Variants in PIGK observed in about 807,000 individuals in gnomAD.
PIGK encodes the protein GPI-anchor transamidase.
PIGK carries 42 observed loss-of-function variants against 50.6 expected under a neutral mutation model. The observed-to-expected ratio is 0.83, with a 90% CI of 0.65 to 1.07. The LOEUF is 1.07. PIGK is among the 50% of genes least tolerant of loss of function. The probability of loss-of-function intolerance (pLI) is 0.00; values close to 1 mark genes in which losing one functional copy is unlikely to be tolerated. For synonymous variants in PIGK, 151 were observed against 156.0 expected, an observed-to-expected ratio of 0.97 and a Z score of 0.24; for missense variants, 448 against 488.7, an observed-to-expected ratio of 0.92 and a Z score of 0.78.
intron 10 of PIGK, among the ~76,000 whole-genome samples, chr1:77,093,932 C>T (rs1432713979): frequency 6.6e-6 from 1 of 152,010 alleles, no homozygotes; most frequent in Non-Finnish European, 1.5e-5. Context: ...TGTGACAAAT[C>T]TTAATTCAAT....
intron 3 of PIGK, among the ~76,000 whole-genome samples, chr1:77,174,798 T>C (rs752250487): frequency 2.0e-5 from 3 of 152,186 alleles, no homozygotes; most frequent in Non-Finnish European, 2.9e-5. Flanking sequence ...CTGCTTATTA[T>C]ATTAATCTGT....
intron 10 of PIGK, among the ~76,000 whole-genome samples, chr1:77,118,844 G>T (rs1425773612): frequency 1.3e-5 from 2 of 152,134 alleles, no homozygotes; most frequent in East Asian, 3.9e-4. Context: ...TTGGACTGAA[G>T]GATGCAAAGT....
At chr1:77,147,482 T>C (rs1654797446) in intron 9 of PIGK, among the ~76,000 whole-genome samples, 1 of 152,222 alleles carries the variant, frequency 6.6e-6, no homozygotes, top group African/African-American at 2.4e-5. Flanking sequence ...AGATTCTGTT[T>C]TTCCTTAGGT....
rs535223509 is a variant in PIGK at position 77,095,676 on chromosome 1, G to A, written c.1072-3186C>T. 1.4e-4 allele frequency among the ~76,000 whole-genome samples: 21 copies of A among 152,242 alleles called. No homozygotes were observed. The East Asian group carries it at 2.1e-3, about 15-fold the overall frequency. On this transcript the variant is annotated intron_variant, in intron 10 of 10. Transcript: ENST00000370812. ...AGAAAATGCAGGGAAAACCCTGTTA[G>A]TAGTACACGTTTTAAAAATATGTTT... is the stretch of plus-strand genomic sequence containing the variant.
chr1:77,141,914 T>C (rs1287513854), intron 9 of PIGK, among the ~76,000 whole-genome samples: 1 of 152,086 alleles, frequency 6.6e-6, no homozygotes, highest in East Asian at 1.9e-4. Flanking sequence ...AAAATTGGTA[T>C]CCAACATCAA....
intron 9 of PIGK, among the ~76,000 whole-genome samples, chr1:77,130,525 C>T (rs887934923): frequency 6.6e-6 from 1 of 152,008 alleles, no homozygotes; most frequent in South Asian, 2.1e-4. Context: ...TATCGTTATG[C>T]ATGAGTCTGT....
rs762562088 is a variant in PIGK at position 77,163,828 on chromosome 1, A to AC, written c.584+17_584+18insG. On this transcript the variant is annotated intron_variant, in intron 6 of 10. Coordinates refer to ENST00000370812, the MANE Select transcript of PIGK (RefSeq NM_005482.3). ...AGGTATGAATATAGCTTATGAAAAG[A>AC]AGTAATTTGCTAATTACCGTCTTTT... is the stretch of plus-strand genomic sequence containing the variant. 7.4e-5 allele frequency: 102 copies of AC among 1,383,646 alleles called. No homozygotes were observed. Among genetic ancestry groups the AC allele is most frequent in the Non-Finnish European group, 1.0e-4 (98 of 974,002 alleles). 85.7% of individuals were successfully genotyped at this position (1,383,646 alleles called of 1,614,324 possible). A position where few individuals can be genotyped will look rare whatever the true frequency, so the allele number is the denominator to read the frequency against.
rs114040475 is a variant in PIGK at position 77,162,028 on chromosome 1, T to C, written c.585-317A>G. Among the ~76,000 whole-genome samples the C allele has an allele frequency of 1.9e-3, 283 of 152,304 alleles. 1 individual carries two copies. The highest frequency in any genetic ancestry group is 6.5e-3 in the African/African-American group (270 of 41,566). On this transcript the variant is annotated intron_variant, in intron 6 of 10. Coordinates refer to ENST00000370812, the MANE Select transcript of PIGK (RefSeq NM_005482.3). ...CACTTATTTGGCACCCATGCTGTCA[T>C]AGAAATTGAGCTAGGTTCAGAAAAA... is the stretch of plus-strand genomic sequence containing the variant.
At chr1:77,134,497 A>C (rs892962041) in intron 9 of PIGK, among the ~76,000 whole-genome samples, 2 of 152,200 alleles carry the variant, frequency 1.3e-5, no homozygotes, top group Non-Finnish European at 2.9e-5. Context: ...CTCTAGCCTA[A>C]CACAGTCACC....
chr1:77,161,523 G>C (rs1169910570), intron 7 of PIGK, 71 bp downstream of exon 7: 1 of 949,308 alleles, frequency 1.1e-6, no homozygotes, highest in Non-Finnish European at 1.7e-6. Flanking sequence ...CATTCATAAA[G>C]CATTTAATTG....
chr1:77,162,153 T>A (rs1364237953), intron 6 of PIGK, among the ~76,000 whole-genome samples: 1 of 152,076 alleles, frequency 6.6e-6, no homozygotes, highest in Non-Finnish European at 1.5e-5. Flanking sequence ...TATAAATATA[T>A]ATTGAGTGCC....
rs76126618 is a variant in PIGK at position 77,123,404 on chromosome 1, A to G, written c.987-1045T>C. ...TAATGAGAACTCTAGAATCTCTCCC[A>G]TGAAAAAGGCAGATATACAAAAAAA... On this transcript the variant is annotated intron_variant, in intron 9 of 10. Coordinates refer to ENST00000370812, the MANE Select transcript of PIGK (RefSeq NM_005482.3). Among the ~76,000 whole-genome samples, 27 of 152,310 alleles carry G rather than the reference A, an allele frequency of 1.8e-4. No individual in the cohort carries two copies. In the East Asian group the frequency reaches 4.4e-3, roughly 25 times the overall value.
chr1:77,142,882 T>A (rs985640080), intron 9 of PIGK, among the ~76,000 whole-genome samples: 1 of 152,158 alleles, frequency 6.6e-6, no homozygotes, highest in Non-Finnish European at 1.5e-5. Flanking sequence ...AAAATTTGAA[T>A]GCAAGTCCAT....
At chr1:77,104,621 C>G (rs1653623333) in intron 10 of PIGK, among the ~76,000 whole-genome samples, 1 of 152,116 alleles carries the variant, frequency 6.6e-6, no homozygotes. Flanking sequence ...ATTGGAGTCC[C>G]AAGTAGGAAG....
At chr1:77,190,442 G>A (rs1036290807) in intron 3 of PIGK, among the ~76,000 whole-genome samples, 1 of 152,004 alleles carries the variant, frequency 6.6e-6, no homozygotes, top group Non-Finnish European at 1.5e-5. Context: ...TTAATGATAT[G>A]TTTTTGTCTT....
chr1:77,096,109 G>C (rs1021448054), intron 10 of PIGK, among the ~76,000 whole-genome samples: 35 of 152,040 alleles, frequency 2.3e-4, no homozygotes, highest in Admixed American at 1.7e-3. Context: ...AACCAAAAAT[G>C]AAAGAACAAT....
At chr1:77,158,205 T>C (rs7414972) in intron 8 of PIGK, among the ~76,000 whole-genome samples, 150,301 of 151,970 alleles carry the variant, frequency 0.99, 74,341 homozygotes, top group Middle Eastern at 1. Context: ...TTAGTAGAGA[T>C]GGGGTTTCAC....
Position 77,183,800 on chromosome 1 carries a change from T to C in PIGK, c.240-14405A>G, listed in dbSNP as rs190300924. On this transcript the variant is annotated intron_variant, in intron 3 of 10. Coordinates refer to ENST00000370812, the MANE Select transcript of PIGK (RefSeq NM_005482.3). Reference sequence around the variant, plus strand: ...GCCCACTGTGAGAGGTGGAAATGCCTGATCTCCCTTGGTTTAATGTAGAGA... The same window carrying C: ...GCCCACTGTGAGAGGTGGAAATGCCCGATCTCCCTTGGTTTAATGTAGAGA... Among the ~76,000 whole-genome samples the C allele has an allele frequency of 2.7e-3, 417 of 152,274 alleles. 1 individual carries two copies. The highest frequency in any genetic ancestry group is 9.2e-3 in the African/African-American group (384 of 41,560).
Position 77,092,268 on chromosome 1 carries a change from C to T in PIGK, c.*106G>A. 1.7e-6 allele frequency: 1 copy of T among 576,994 alleles called. No individual in the cohort carries two copies. The highest frequency in any genetic ancestry group is 3.0e-6 in the Non-Finnish European group (1 of 328,028). 35.7% of individuals were successfully genotyped at this position (576,994 alleles called of 1,614,324 possible). A position where few individuals can be genotyped will look rare whatever the true frequency, so the allele number is the denominator to read the frequency against. Reference sequence around the variant, plus strand: ...TTGATTCAAATTTAGTTTCCTTATACTTATTTCCAATTCATACAAGAGAAA... The same window carrying T: ...TTGATTCAAATTTAGTTTCCTTATATTTATTTCCAATTCATACAAGAGAAA... On this transcript the variant is annotated 3_prime_UTR_variant, in exon 11 of 11. Transcript: ENST00000370812.
Sources: gnomAD v4.1 joint callset for allele counts (sites outside exome capture counted in the v4.1 genomes callset) on GRCh38, gnomAD v4.1.1 for gene constraint, MANE v1.5 for transcripts, NCBI Gene and HGNC (gene_info 2026-07-23, HGNC 2026-07-21) for gene names.